CDH9: variants seen among roughly 807,000 people sequenced by gnomAD.
The protein encoded by CDH9 is cadherin 9, also known as cadherin-9.
CDH9 carries 28 observed loss-of-function variants against 70.9 expected under a neutral mutation model. The observed-to-expected ratio is 0.40, with a 90% CI of 0.29 to 0.54. The LOEUF is 0.54. Ranked by LOEUF, CDH9 falls within the 20% of genes least tolerant of loss-of-function variation. The probability of loss-of-function intolerance (pLI) is 0.59; values close to 1 mark genes in which losing one functional copy is unlikely to be tolerated. For synonymous variants in CDH9, 409 were observed against 343.1 expected, an observed-to-expected ratio of 1.19 and a Z score of -2.12; for missense variants, 874 against 984.4, an observed-to-expected ratio of 0.89 and a Z score of 1.50.
At chr5:26,909,343 G>T (rs1022764229) in intron 3 of CDH9, among the ~76,000 whole-genome samples, 1 of 151,524 alleles carries the variant, frequency 6.6e-6, no homozygotes, top group African/African-American at 2.4e-5. Flanking sequence ...AATACACATG[G>T]ATATTTACAT....
chr5:27,014,549 T>C (rs1743013124), intron 1 of CDH9, among the ~76,000 whole-genome samples: 1 of 151,950 alleles, frequency 6.6e-6, no homozygotes, highest in Admixed American at 6.6e-5. Flanking sequence ...AAGATAATTA[T>C]CGCAGGTGTT....
At chr5:27,028,155 GATCACTT>G (rs1323071285) in intron 1 of CDH9, 4 of 152,014 alleles carry the variant, frequency 2.6e-5, no homozygotes, top group Non-Finnish European at 5.9e-5. Flanking sequence ...GAAGTGGACA[GATCACTT>G]GTGCTCAGGA....
intron 1 of CDH9, among the ~76,000 whole-genome samples, chr5:26,993,746 A>G (rs1296944918): frequency 6.6e-6 from 1 of 151,452 alleles, no homozygotes; most frequent in Non-Finnish European, 1.5e-5. Flanking sequence ...AGACAAGAGA[A>G]GAATGACTCG....
intron 1 of CDH9, among the ~76,000 whole-genome samples, chr5:27,030,450 T>C (rs1181610029): frequency 1.4e-5 from 2 of 144,572 alleles, no homozygotes; most frequent in Admixed American, 7.0e-5. Context: ...AGTAAAAGAG[T>C]GGGGTAGGGA....
intron 2 of CDH9, among the ~76,000 whole-genome samples, chr5:26,969,643 G>A (rs148290859): frequency 2.8e-4 from 42 of 152,030 alleles, no homozygotes; most frequent in Non-Finnish European, 4.9e-4. Context: ...GTAAATATTT[G>A]TTGTGAAACT....
intron 2 of CDH9, among the ~76,000 whole-genome samples, chr5:26,984,050 GT>G (rs1742448907): frequency 6.6e-6 from 1 of 151,998 alleles, no homozygotes; most frequent in African/African-American, 2.4e-5. Flanking sequence ...GTTTCCTGTT[GT>G]TTTAGGTAAC....
intron 2 of CDH9, among the ~76,000 whole-genome samples, chr5:26,971,808 A>C (rs181239418): frequency 2.6e-5 from 4 of 152,286 alleles, no homozygotes; most frequent in Non-Finnish European, 4.4e-5. Flanking sequence ...AAATATAAAA[A>C]CACTATAAAA....
chr5:26,919,330 C>T (rs542700388), intron 2 of CDH9, among the ~76,000 whole-genome samples: 1 of 152,190 alleles, frequency 6.6e-6, no homozygotes, highest in South Asian at 2.1e-4. Context: ...TGGAAAGCAA[C>T]TTAGGGTAGA....
At chr5:26,921,768 A>G (rs1741247943) in intron 2 of CDH9, among the ~76,000 whole-genome samples, 2 of 152,124 alleles carry the variant, frequency 1.3e-5, no homozygotes, top group South Asian at 4.1e-4. Context: ...CCTTCTTCCA[A>G]GTGAGTCTAA....
chr5:26,892,960 C>T (rs995775864), intron 7 of CDH9, among the ~76,000 whole-genome samples: 5 of 152,082 alleles, frequency 3.3e-5, no homozygotes, highest in Non-Finnish European at 5.9e-5. Flanking sequence ...GTCTCGATCT[C>T]ATGACCTCGT....
Position 26,960,401 on chromosome 5 carries a change from T to C in CDH9, c.228+27705A>G, listed in dbSNP as rs373585120. ...CAACATAAAACTTTCCAATCACTAG[T>C]ATGCTTACGATACTAAAGGTTTTCT... On this transcript the variant is annotated intron_variant, in intron 2 of 11. Transcript: ENST00000231021. Among the ~76,000 whole-genome samples, 13 of 152,052 alleles carry C rather than the reference T, an allele frequency of 8.5e-5. No homozygotes were observed. The East Asian group carries it at 1.2e-3, about 14-fold the overall frequency.
At chr5:27,037,532 CAATACTAAA>C (rs1743416061) in intron 1 of CDH9, among the ~76,000 whole-genome samples, 1 of 151,890 alleles carries the variant, frequency 6.6e-6, no homozygotes, top group Non-Finnish European at 1.5e-5. Context: ...CTCTAACTGT[CAATACTAAA>C]GAATTTTGAT....
intron 1 of CDH9, among the ~76,000 whole-genome samples, chr5:27,031,226 C>T (rs1251549771): frequency 6.6e-6 from 1 of 151,634 alleles, no homozygotes; most frequent in Non-Finnish European, 1.5e-5. Flanking sequence ...TAAAACATCC[C>T]TTATTCATAG....
At chr5:26,980,555 T>C (rs1169988301) in intron 2 of CDH9, among the ~76,000 whole-genome samples, 2 of 152,106 alleles carry the variant, frequency 1.3e-5, no homozygotes, top group East Asian at 3.9e-4. Context: ...TATCAGTTAT[T>C]AGGATTTATA....
At chr5:26,970,016 A>G (rs1332533323) in intron 2 of CDH9, among the ~76,000 whole-genome samples, 4 of 150,738 alleles carry the variant, frequency 2.7e-5, no homozygotes, top group African/African-American at 9.7e-5. Flanking sequence ...ACCAAAACCA[A>G]TTTTAAGTCT....
chr5:26,989,512 C>G (rs914577079), intron 1 of CDH9, among the ~76,000 whole-genome samples: 1 of 148,348 alleles, frequency 6.7e-6, no homozygotes, highest in Admixed American at 6.7e-5. Context: ...TTCTCTGTCT[C>G]TCTCTCTCTC....
At chr5:26,913,757 TTG>T (rs5866811) in intron 3 of CDH9, among the ~76,000 whole-genome samples, 50,163 of 145,192 alleles carry the variant, frequency 0.35, 8,745 homozygotes, top group East Asian at 0.58. Flanking sequence ...ACATATATGT[TTG>T]TGTGTGTGTG....
intron 2 of CDH9, among the ~76,000 whole-genome samples, chr5:26,972,760 T>C (rs1485097501): frequency 6.6e-6 from 1 of 152,202 alleles, no homozygotes; most frequent in Non-Finnish European, 1.5e-5. Flanking sequence ...CCTCTGCTCC[T>C]GCACTTTAGT....
chr5:26,966,978 G>C (rs1257018934), intron 2 of CDH9, among the ~76,000 whole-genome samples: 1 of 152,042 alleles, frequency 6.6e-6, no homozygotes, highest in Non-Finnish European at 1.5e-5. Flanking sequence ...TGTTGCCCAG[G>C]CTGGAGTGCA....
Sources: allele counts gnomAD v4.1 joint callset (sites outside exome capture counted in the v4.1 genomes callset), GRCh38; gene constraint gnomAD v4.1.1; transcripts MANE v1.5; gene names NCBI Gene and HGNC (gene_info 2026-07-23, HGNC 2026-07-21).